PCDH15: variants seen among roughly 807,000 people sequenced by gnomAD.
PCDH15 encodes protocadherin-15.
In PCDH15, 129 loss-of-function variants were observed where a neutral mutation model predicts 178.5. The observed-to-expected ratio is 0.72, with a 90% CI of 0.63 to 0.84. The LOEUF is 0.84. Among genes scored for constraint, PCDH15 ranks in the 40% least tolerant of loss-of-function variants. PCDH15 has a pLI of 0.00. For missense variants in PCDH15, 2,230 were observed against 2,099.9 expected (o/e 1.06, Z -1.21); for synonymous variants, 800 against 732.0 (o/e 1.09, Z -1.50).
intron 2 of PCDH15, among the ~76,000 whole-genome samples, chr10:54,923,050 C>T (rs191241580): frequency 2.3e-5 from 2 of 88,264 alleles, no homozygotes; most frequent in Admixed American, 2.1e-4. Flanking sequence ...CATACATCCT[C>T]TGAAATCTAG....
At chr10:55,474,864 T>A (rs1436729680) in intron 2 of PCDH15, among the ~76,000 whole-genome samples, 1 of 152,132 alleles carries the variant, frequency 6.6e-6, no homozygotes. Context: ...GCCTTCAAAA[T>A]ATACTCTCTA....
chr10:54,630,266 T>C (rs1199394743), intron 2 of PCDH15, among the ~76,000 whole-genome samples: 2 of 152,134 alleles, frequency 1.3e-5, no homozygotes, highest in Admixed American at 1.3e-4. Flanking sequence ...TTTCAAATTG[T>C]ATATAAGGCT....
intron 2 of PCDH15, among the ~76,000 whole-genome samples, chr10:55,460,729 A>G (rs1051920439): frequency 2.0e-5 from 3 of 152,206 alleles, no homozygotes; most frequent in African/African-American, 7.2e-5. Flanking sequence ...TTATCTCATT[A>G]TGGGTCATAT....
rs561290416 is a variant in PCDH15 at position 55,003,426 on chromosome 10, T to G, written c.-79-105926A>C. On this transcript the variant is annotated intron_variant, in intron 2 of 5. Coordinates refer to the PCDH15 transcript ENST00000458638. Reference sequence around the variant, plus strand: ...AGAATGAACTAATGGAGGACAGAAATAATATTGAAACATTGCTGTTTTTTT... The same window carrying G: ...AGAATGAACTAATGGAGGACAGAAAGAATATTGAAACATTGCTGTTTTTTT... Among the ~76,000 whole-genome samples the G allele has an allele frequency of 3.9e-5, 6 of 151,956 alleles. No individual in the cohort carries two copies. The East Asian group carries it at 9.7e-4, about 24-fold the overall frequency.
intron 10 of PCDH15, among the ~76,000 whole-genome samples, chr10:54,201,086 C>G (rs1216611663): frequency 6.6e-6 from 1 of 152,140 alleles, no homozygotes; most frequent in Non-Finnish European, 1.5e-5. Context: ...TTAATGGCAG[C>G]TACATAGTTA....
chr10:55,144,074 A>G (rs1281541460), intron 2 of PCDH15, among the ~76,000 whole-genome samples: 1 of 151,990 alleles, frequency 6.6e-6, no homozygotes, highest in Non-Finnish European at 1.5e-5. Flanking sequence ...AAGTTTGATG[A>G]CTGGGCACAC....
At chr10:55,232,502 A>T (rs1841255484) in intron 1 of PCDH15, among the ~76,000 whole-genome samples, 1 of 152,088 alleles carries the variant, frequency 6.6e-6, no homozygotes, top group African/African-American at 2.4e-5. Flanking sequence ...ACATTTCCCC[A>T]CTTCCTGGAA....
intron 20 of PCDH15, among the ~76,000 whole-genome samples, chr10:54,009,216 T>C (rs987500791): frequency 6.6e-6 from 1 of 151,670 alleles, no homozygotes; most frequent in African/African-American, 2.4e-5. Flanking sequence ...CTGAATAAAG[T>C]TTTAATTTCC....
chr10:54,022,177 G>A (rs2092943343), intron 19 of PCDH15, among the ~76,000 whole-genome samples: 1 of 151,764 alleles, frequency 6.6e-6, no homozygotes, highest in South Asian at 2.1e-4. Context: ...AAATGAGGTG[G>A]TTGCTTAAAA....
chr10:54,708,263 A>T (rs1246856485), intron 1 of PCDH15, among the ~76,000 whole-genome samples: 1 of 152,304 alleles, frequency 6.6e-6, no homozygotes, highest in East Asian at 1.9e-4. Flanking sequence ...TTGTGGATAA[A>T]TCACTATGGC....
At chr10:54,878,257 C>G (rs1954189954) in intron 3 of PCDH15, among the ~76,000 whole-genome samples, 1 of 152,068 alleles carries the variant, frequency 6.6e-6, no homozygotes, top group South Asian at 2.1e-4. Flanking sequence ...GCCACTGCAC[C>G]CCGCCAGAAG....
intron 2 of PCDH15, among the ~76,000 whole-genome samples, chr10:54,603,160 G>T (rs2092610655): frequency 6.6e-6 from 1 of 151,900 alleles, no homozygotes; most frequent in Admixed American, 6.6e-5. Context: ...TATCTAATTT[G>T]TTGGTGTATA....
chr10:54,027,222 C>T (rs2093129885), intron 18 of PCDH15, among the ~76,000 whole-genome samples: 1 of 148,710 alleles, frequency 6.7e-6, no homozygotes, highest in Admixed American at 6.7e-5. Flanking sequence ...ACCTAGGAAT[C>T]CAACTTACAA....
At chr10:54,568,242 G>A (rs953302608) in intron 2 of PCDH15, among the ~76,000 whole-genome samples, 2 of 151,762 alleles carry the variant, frequency 1.3e-5, no homozygotes, top group Non-Finnish European at 2.9e-5. Context: ...TCATCTTCCA[G>A]ATGCCTACAT....
At chr10:54,044,172 T>C (rs1048183519) in intron 18 of PCDH15, among the ~76,000 whole-genome samples, 3 of 152,176 alleles carry the variant, frequency 2.0e-5, no homozygotes, top group Admixed American at 1.3e-4. Context: ...AGTTTAGTGG[T>C]ATGGAGATAC....
chr10:55,389,962 A>G (rs1376451692), intron 2 of PCDH15, among the ~76,000 whole-genome samples: 2 of 152,270 alleles, frequency 1.3e-5, no homozygotes, highest in South Asian at 4.1e-4. Flanking sequence ...ATTTTTAAGA[A>G]TATTTTTAGA....
chr10:55,249,000 T>C (rs144011386), intron 1 of PCDH15, among the ~76,000 whole-genome samples: 1,607 of 152,302 alleles, frequency 0.011, 40 homozygotes, highest in African/African-American at 0.037. Context: ...TAAAGACACA[T>C]TTAAAGACAA....
intron 3 of PCDH15, among the ~76,000 whole-genome samples, chr10:54,409,791 C>T (rs1371607538): frequency 6.6e-6 from 1 of 151,888 alleles, no homozygotes; most frequent in Non-Finnish European, 1.5e-5. Flanking sequence ...GAGTTAGTCC[C>T]CCATGTTGAG....
At chr10:54,725,502 C>T (rs1029208192) in intron 1 of PCDH15, among the ~76,000 whole-genome samples, 1 of 139,082 alleles carries the variant, frequency 7.2e-6, no homozygotes, top group Non-Finnish European at 1.6e-5. Flanking sequence ...CACAGTAAGA[C>T]CTCATCTCTA....
Sources: gnomAD v4.1 joint callset for allele counts (sites outside exome capture counted in the v4.1 genomes callset) on GRCh38, gnomAD v4.1.1 for gene constraint, MANE v1.5 for transcripts, NCBI Gene and HGNC (gene_info 2026-07-23, HGNC 2026-07-21) for gene names.